PEAK1: variants seen among roughly 807,000 people sequenced by gnomAD.
PEAK1 encodes inactive tyrosine-protein kinase PEAK1.
Under a neutral mutation model 124.7 loss-of-function variants are expected in PEAK1, and 54 were observed. The observed-to-expected ratio is 0.43, with a 90% confidence interval of 0.35 to 0.54. The LOEUF (loss-of-function observed/expected upper bound fraction) is 0.54, where lower values mean the gene tolerates loss of function less well. PEAK1 is among the 20% of genes least tolerant of loss of function. The pLI, the probability that PEAK1 is intolerant of heterozygous loss-of-function variation, is 0.01. For missense variants in PEAK1, 2,046 were observed against 2,134.5 expected, an observed-to-expected ratio of 0.96 and a Z score of 0.82; for synonymous variants, 719 against 760.0, an observed-to-expected ratio of 0.95 and a Z score of 0.89.
At chr15:77,171,724 T>C (rs918742504) in intron 7 of PEAK1, among the ~76,000 whole-genome samples, 2 of 152,190 alleles carry the variant, frequency 1.3e-5, no homozygotes, top group Non-Finnish European at 2.9e-5. Context: ...TTTGAGATAA[T>C]GGATATGCTA....
rs780505404 is a variant in PEAK1 at position 77,181,784 on chromosome 15, T to C, written c.143A>G (p.Asn48Ser). The change falls in exon 7 of 10, where the codon AAT becomes AGT. Residue 48 changes from asparagine to serine, a missense_variant. By Grantham distance (46) the Asn-to-Ser change is conservative (BLOSUM62 1). Transcript: ENST00000682557. ...CCTGATGCGGTGGTTGTTACTGTGA[T>C]TGGCATTAGTTTTCACATTGCCATG... ...ITHGNVKTNANHSNNHRIRNT... is the reference protein window; with the variant it reads ...ITHGNVKTNASHSNNHRIRNT... 18 of 1,614,052 alleles carry C rather than the reference T, an allele frequency of 1.1e-5. No homozygotes were observed. Among genetic ancestry groups the C allele is most frequent in the Non-Finnish European group, 1.4e-5 (17 of 1,180,008 alleles).
intron 2 of PEAK1, chr15:77,334,736 T>C: frequency 1.0e-6 from 1 of 984,954 alleles, no homozygotes; most frequent in Non-Finnish European, 1.2e-6. Flanking sequence ...TCTTGCTGTT[T>C]GTACAATACA....
intron 7 of PEAK1, among the ~76,000 whole-genome samples, chr15:77,164,375 A>C (rs904170233): frequency 1.3e-5 from 2 of 152,244 alleles, no homozygotes; most frequent in Admixed American, 1.3e-4. Flanking sequence ...AAACAAAGGT[A>C]GCTCTTACTG....
intron 2 of PEAK1, chr15:77,333,801 G>T: frequency 1.2e-6 from 1 of 832,222 alleles, no homozygotes; most frequent in Non-Finnish European, 1.4e-6. Context: ...TTTAATCATT[G>T]CAGATTTATA....
intron 2 of PEAK1, among the ~76,000 whole-genome samples, chr15:77,311,053 C>A (rs975739541): frequency 6.6e-6 from 1 of 152,176 alleles, no homozygotes; most frequent in African/African-American, 2.4e-5. Flanking sequence ...TGAAAAATCA[C>A]TGGATACTGG....
At chr15:77,220,976 A>G (rs2059363034) in intron 6 of PEAK1, among the ~76,000 whole-genome samples, 2 of 152,146 alleles carry the variant, frequency 1.3e-5, no homozygotes, top group Non-Finnish European at 2.9e-5. Context: ...AAAAGATTGA[A>G]AGACTAATAA....
rs772179237 is a variant in PEAK1 at position 77,114,224 on chromosome 15, C to A, written c.5173G>T (p.Ala1725Ser). 1.2e-6 allele frequency: 2 copies of A among 1,614,206 alleles called. No individual in the cohort carries two copies. Among genetic ancestry groups the A allele is most frequent in the South Asian group, 2.2e-5 (2 of 91,084 alleles). ...GGISLEDWLCAQYLAFATTDS... is the reference protein window; with the variant it reads ...GGISLEDWLCSQYLAFATTDS... ...GTAGTGGCAAAAGCCAAATACTGAG[C>A]ACAAAGCCAGTCCTCAAGGCTGATT... The change falls in exon 10 of 10, where the codon GCT (alanine) becomes TCT (serine). Residue 1725 changes from alanine to serine, a missense_variant. Transcript: ENST00000682557.
intron 2 of PEAK1, among the ~76,000 whole-genome samples, chr15:77,307,139 A>G (rs1844379778): frequency 6.6e-6 from 1 of 152,098 alleles, no homozygotes; most frequent in African/African-American, 2.4e-5. Context: ...ACCTTCATGC[A>G]TTTTTCAACT....
chr15:77,201,523 C>T (rs564911153), intron 6 of PEAK1, among the ~76,000 whole-genome samples: 1 of 152,068 alleles, frequency 6.6e-6, no homozygotes, highest in African/African-American at 2.4e-5. Context: ...CAGGCATGAG[C>T]CACTGCGCCT....
At chr15:77,200,102 C>G (rs1276827167) in intron 6 of PEAK1, among the ~76,000 whole-genome samples, 1 of 152,192 alleles carries the variant, frequency 6.6e-6, no homozygotes, top group African/African-American at 2.4e-5. Flanking sequence ...CTGCCTCTGT[C>G]ACCCTTGAGA....
At chr15:77,407,336 C>T (rs185311752) in intron 1 of PEAK1, among the ~76,000 whole-genome samples, 1 of 152,108 alleles carries the variant, frequency 6.6e-6, no homozygotes, top group African/African-American at 2.4e-5. Flanking sequence ...AATAGACAAC[C>T]CAAAGGGTGG....
At chr15:77,121,686 T>A (rs944525849) in intron 9 of PEAK1, among the ~76,000 whole-genome samples, 2 of 152,192 alleles carry the variant, frequency 1.3e-5, no homozygotes, top group Non-Finnish European at 1.5e-5. Context: ...TTCAAAAATA[T>A]TCTACATTAG....
chr15:77,154,205 C>G (rs2054915222), intron 8 of PEAK1, among the ~76,000 whole-genome samples: 1 of 152,198 alleles, frequency 6.6e-6, no homozygotes, highest in Non-Finnish European at 1.5e-5. Flanking sequence ...ATAGTTAGTT[C>G]TTATTTTTCA....
intron 1 of PEAK1, among the ~76,000 whole-genome samples, chr15:77,380,575 C>A (rs62007263): frequency 0.27 from 41,359 of 152,026 alleles, 6,695 homozygotes; most frequent in Non-Finnish European, 0.37. Context: ...ACCTCCCAGG[C>A]TCAAGTGATC....
chr15:77,404,610 T>C (rs1467080759), intron 1 of PEAK1: 3 of 921,250 alleles, frequency 3.3e-6, no homozygotes, highest in East Asian at 1.2e-4. Flanking sequence ...ACTATTTCTA[T>C]TGGACAGCAC....
At chr15:77,184,913 A>G (rs2057464925) in intron 6 of PEAK1, among the ~76,000 whole-genome samples, 1 of 152,014 alleles carries the variant, frequency 6.6e-6, no homozygotes, top group South Asian at 2.1e-4. Flanking sequence ...ACGCACTTAA[A>G]AAAAGTGAAT....
rs531752268 is a variant in PEAK1, at chr15:77,181,995, T to C, written c.-69A>G. 5 of 1,504,662 alleles carry C rather than the reference T, an allele frequency of 3.3e-6. No homozygotes were observed. The East Asian group carries it at 9.1e-5, about 27-fold the overall frequency. 93.2% of individuals were successfully genotyped at this position (1,504,662 alleles called of 1,614,324 possible). A position where few individuals can be genotyped will look rare whatever the true frequency, so the allele number is the denominator to read the frequency against. The stretch of plus-strand genomic sequence containing the variant: ...ATGACAAAACTTTCATCTGTTAGTT[T>C]TCACTTCCCCTATGTGTTACAGCAG... On this transcript the variant is annotated 5_prime_UTR_variant, in exon 7 of 10. Transcript: ENST00000682557.
At chr15:77,419,707 TG>T (rs1381167040) in intron 1 of PEAK1, 3 of 975,366 alleles carry the variant, frequency 3.1e-6, no homozygotes, top group Non-Finnish European at 3.7e-6. Flanking sequence ...TTCCTTCCTC[TG>T]GGGGGCGTCG....
chr15:77,178,926 T>C lies in PEAK1; in HGVS notation c.3001A>G (p.Ser1001Gly). Reference sequence around the variant, plus strand: ...GTCCTAGCCTTGCTCTGATCCACACTGAGCTGGCCTTGAGCAGGGTCGCAC... The same window carrying C: ...GTCCTAGCCTTGCTCTGATCCACACCGAGCTGGCCTTGAGCAGGGTCGCAC... ...YRCDPAQGQL[S>G]VDQSKARTDQ... Residue 1001 changes from serine to glycine, a missense_variant, in exon 7 of 10, where the codon AGT becomes GGT. Coordinates refer to ENST00000682557, the MANE Select transcript of PEAK1 (RefSeq NM_001385026.1). The C allele has an allele frequency of 6.2e-7, 1 of 1,614,134 alleles. No homozygotes were observed.
Sources: gnomAD v4.1 joint callset for allele counts (sites outside exome capture counted in the v4.1 genomes callset) on GRCh38, gnomAD v4.1.1 for gene constraint, MANE v1.5 for transcripts, NCBI Gene and HGNC (gene_info 2026-07-23, HGNC 2026-07-21) for gene names.